The following SLC17A4 variants were observed in gnomAD, a reference collection of about 807,000 sequenced individuals.
SLC17A4 encodes probable small intestine urate exporter.
SLC17A4 carries 33 observed loss-of-function variants against 52.5 expected under a neutral mutation model. The observed-to-expected ratio is 0.63, with a 90% CI of 0.48 to 0.84. SLC17A4 has a LOEUF of 0.84. Among genes scored for constraint, SLC17A4 ranks in the 40% least tolerant of loss-of-function variants. SLC17A4 has a pLI of 0.00. For synonymous variants in SLC17A4, 225 were observed against 216.2 expected, an observed-to-expected ratio of 1.04 and a Z score of -0.36; for missense variants, 585 against 597.1, an observed-to-expected ratio of 0.98 and a Z score of 0.21.
chr6:25,756,535 C>T (rs372225946), intron 1 of SLC17A4, among the ~76,000 whole-genome samples: 7 of 152,236 alleles, frequency 4.6e-5, no homozygotes, highest in Middle Eastern at 3.4e-3. Context: ...GTAACTTTCT[C>T]GCAGGTGTAC....
chr6:25,774,351 A>C (rs1408054686), intron 8 of SLC17A4, among the ~76,000 whole-genome samples: 1 of 152,226 alleles, frequency 6.6e-6, no homozygotes, highest in Non-Finnish European at 1.5e-5. Flanking sequence ...TGTTAGTGAC[A>C]GTTCACAAAG....
At chr6:25,766,148 T>C (rs989098117) in intron 2 of SLC17A4, among the ~76,000 whole-genome samples, 3 of 149,480 alleles carry the variant, frequency 2.0e-5, no homozygotes, top group African/African-American at 7.3e-5. Context: ...ATTATAATTT[T>C]ATAGAAATTA....
chr6:25,761,986 G>C lies in SLC17A4; in HGVS notation c.24G>C (p.Lys8Asn). Residue 8 changes from lysine to asparagine, a missense_variant, in exon 2 of 12, where the codon AAG becomes AAC. Lys to Asn is a moderately conservative substitution (Grantham distance 94). Transcript: ENST00000377905. MSTGPDVKATVGDISSDG... is the reference protein window; with the variant it reads MSTGPDVNATVGDISSDG... ...AAATGTCTACCGGACCAGATGTCAA[G>C]GCTACAGTGGGGGACATTTCCAGTG... The C allele has an allele frequency of 6.2e-7, 1 of 1,613,354 alleles. No individual in the cohort carries two copies. Among genetic ancestry groups the C allele is most frequent in the Non-Finnish European group, 8.5e-7 (1 of 1,179,786 alleles).
Position 25,779,175 on chromosome 6 carries a change from T to G in SLC17A4, c.1481T>G (p.Phe494Cys). 1.9e-6 allele frequency: 3 copies of G among 1,613,710 alleles called. No individual in the cohort carries two copies. The highest frequency in any genetic ancestry group is 2.5e-6 in the Non-Finnish European group (3 of 1,179,714). The change falls in exon 12 of 12, where the codon TTC becomes TGC. Residue 494 changes from phenylalanine to cysteine, a missense_variant. By Grantham distance (205) the Phe-to-Cys change is radical. Transcript: ENST00000377905. ...CAGGACTGGGCTAAAGAGCAGACAT[T>G]CACCCACCTCTGAGCAAACCGAGAG... Reference protein sequence around the residue: ...DVQDWAKEQTFTHL With the variant: ...DVQDWAKEQTCTHL
At chr6:25,776,306 G>A (rs1472768417) in intron 8 of SLC17A4, among the ~76,000 whole-genome samples, 1 of 151,110 alleles carries the variant, frequency 6.6e-6, no homozygotes, top group Non-Finnish European at 1.5e-5. Context: ...TTTTTAAATT[G>A]TCTGTTATTA....
At position 25,770,933 on chromosome 6, in the gene SLC17A4, G is replaced by C. The variant is rs1330059295; in HGVS notation, c.627G>C (p.Met209Ile). 6.2e-7 allele frequency: 1 copy of C among 1,613,774 alleles called. No individual in the cohort carries two copies. Among genetic ancestry groups the C allele is most frequent in the South Asian group, 1.1e-5 (1 of 91,076 alleles). ...QLTTIAGSGS[M>I]LGSFIVLLAG... ...CTCGCCTCTTCTGTTCAGGGTCAAT[G>C]CTGGGGTCCTTCATTGTTCTACTTG... The change falls in exon 6 of 12, where the codon ATG becomes ATC. Residue 209 changes from methionine (M) to isoleucine (I), a missense_variant. Met to Ile is a conservative substitution (Grantham distance 10). Transcript: ENST00000377905.
chr6:25,773,192 T>C, intron 6 of SLC17A4, 83 bp from the exon 7 acceptor site: 1 of 1,074,710 alleles, frequency 9.3e-7, no homozygotes, highest in Non-Finnish European at 1.4e-6. Context: ...CCAGTCACTC[T>C]GTCAACCACA....
rs1487036583 is a variant in SLC17A4 at position 25,770,947 on chromosome 6, T to G, written c.641T>G (p.Ile214Ser). ...TCAGGGTCAATGCTGGGGTCCTTCA[T>G]TGTTCTACTTGCTGGTGGTCTCCTC... ...AGSGSMLGSF[I>S]VLLAGGLLCQ... Residue 214 changes from isoleucine to serine, a missense_variant, in exon 6 of 12, where the codon ATT (isoleucine) becomes AGT (serine). Physicochemically the swap from Ile to Ser is moderately radical, Grantham distance 142. Coordinates refer to ENST00000377905, the MANE Select transcript of SLC17A4 (RefSeq NM_005495.3). The G allele has an allele frequency of 6.2e-7, 1 of 1,613,920 alleles. No individual in the cohort carries two copies. The highest frequency in any genetic ancestry group is 1.1e-5 in the South Asian group (1 of 91,086).
At position 25,755,810 on chromosome 6, in the gene SLC17A4, C is replaced by G. The variant is rs564019907; in HGVS notation, c.-37+1029C>G. 3.9e-5 allele frequency among the ~76,000 whole-genome samples: 6 copies of G among 152,272 alleles called. No homozygotes were observed. The South Asian group carries it at 1.0e-3, about 26-fold the overall frequency. On this transcript the variant is annotated intron_variant, in intron 1 of 11. Transcript: ENST00000377905. ...TGTCCAAAATAAAGTTCTTGCTTTTCCTCTGGAACCTGTTGCCCTCCCTGC... is the reference window on the plus strand; with the variant it reads ...TGTCCAAAATAAAGTTCTTGCTTTTGCTCTGGAACCTGTTGCCCTCCCTGC...
chr6:25,777,056 C>T lies in SLC17A4; in HGVS notation c.1268+97C>T, dbSNP rs948540607. 26 of 1,344,266 alleles carry T rather than the reference C, an allele frequency of 1.9e-5. No homozygotes were observed. In the African/African-American group the frequency reaches 2.0e-4, roughly 11 times the overall value. The allele number at this position is 1,344,266 out of a possible 1,614,324, so 83.3% of individuals were successfully genotyped here. ...TGAAAGTAAAATGTGGCAGGTACAA[C>T]AGGTTGCAGGAAATGTCAGCACCAG... On this transcript the variant is annotated intron_variant, in intron 10 of 11. Coordinates refer to ENST00000377905, the MANE Select transcript of SLC17A4 (RefSeq NM_005495.3).
At chr6:25,777,283 T>C (rs891680986) in intron 10 of SLC17A4, 10 of 258,040 alleles carry the variant, frequency 3.9e-5, no homozygotes, top group East Asian at 2.6e-4. Flanking sequence ...TGAGATTCTA[T>C]AGGGTATGCT....
chr6:25,760,767 T>C (rs901980020), intron 1 of SLC17A4, among the ~76,000 whole-genome samples: 5 of 152,214 alleles, frequency 3.3e-5, no homozygotes, highest in Admixed American at 2.0e-4. Flanking sequence ...CAAATTTTAA[T>C]GCCTAATTTT....
chr6:25,779,182 CCT>C lies in SLC17A4; in HGVS notation c.1491_1492del (p.Ter498SerfsTer12). 2 of 1,613,502 alleles carry C rather than the reference CCT, an allele frequency of 1.2e-6. No individual in the cohort carries two copies. The highest frequency in any genetic ancestry group is 2.2e-5 in the South Asian group (2 of 91,014). ...DWAKEQTFTH[L>X] ...GGGCTAAAGAGCAGACATTCACCCA[CCT>C]CTGAGCAAACCGAGAGATGTGCTAG... On this transcript the variant is annotated frameshift_variant, in exon 12 of 12. Transcript: ENST00000377905. LOFTEE classifies it high-confidence loss of function.
chr6:25,779,526 C>T lies in SLC17A4; in HGVS notation c.*338C>T, dbSNP rs1459588075. 3 of 209,142 alleles carry T rather than the reference C, an allele frequency of 1.4e-5. No homozygotes were observed. Among genetic ancestry groups the T allele is most frequent in the East Asian group, 2.4e-4 (2 of 8,298 alleles). The allele number at this position is 209,142 out of a possible 1,614,324, so 13.0% of individuals were successfully genotyped here. Reference sequence around the variant, plus strand: ...AGAACTGAGAATCACAAGGGAGTTGCGCCCAACATGCAGAACATGAATCCT... The same window carrying T: ...AGAACTGAGAATCACAAGGGAGTTGTGCCCAACATGCAGAACATGAATCCT... On this transcript the variant is annotated 3_prime_UTR_variant, in exon 12 of 12. Coordinates refer to ENST00000377905, the MANE Select transcript of SLC17A4 (RefSeq NM_005495.3).
At chr6:25,757,497 C>T (rs1344925486) in intron 1 of SLC17A4, among the ~76,000 whole-genome samples, 1 of 151,986 alleles carries the variant, frequency 6.6e-6, no homozygotes, top group East Asian at 1.9e-4. Flanking sequence ...AGGTCCAGTC[C>T]AGTGAAAACC....
chr6:25,776,087 A>G (rs1442020165), intron 8 of SLC17A4, among the ~76,000 whole-genome samples: 1 of 152,148 alleles, frequency 6.6e-6, no homozygotes, highest in East Asian at 1.9e-4. Flanking sequence ...AATTGCCCTC[A>G]ATAGAGCACC....
chr6:25,766,239 C>G (rs78225846), intron 2 of SLC17A4, among the ~76,000 whole-genome samples: 12,000 of 151,208 alleles, frequency 0.079, 893 homozygotes, highest in African/African-American at 0.2. Flanking sequence ...CAAAAAACAA[C>G]TAAGAAATGA....
intron 1 of SLC17A4, among the ~76,000 whole-genome samples, chr6:25,760,598 C>T (rs1392363868): frequency 6.6e-6 from 1 of 152,104 alleles, no homozygotes; most frequent in Non-Finnish European, 1.5e-5. Flanking sequence ...CCTAGAAGTC[C>T]TATTCAACAT....
Position 25,770,591 on chromosome 6 carries a change from G to A in SLC17A4, c.619+120G>A, listed in dbSNP as rs1208673911. 4.4e-6 allele frequency: 4 copies of A among 900,418 alleles called. No homozygotes were observed. The African/African-American group carries it at 6.5e-5, about 15-fold the overall frequency. 55.8% of individuals were successfully genotyped at this position (900,418 alleles called of 1,614,324 possible). A position where few individuals can be genotyped will look rare whatever the true frequency, so the allele number is the denominator to read the frequency against. On this transcript the variant is annotated intron_variant, in intron 5 of 11. Transcript: ENST00000377905. Reference sequence around the variant, plus strand: ...GTGTCTTCATAGTCCTTTCCTTAAAGCACTACCCCATACTGCCTTACTTGA... The same window carrying A: ...GTGTCTTCATAGTCCTTTCCTTAAAACACTACCCCATACTGCCTTACTTGA...
Sources: allele counts gnomAD v4.1 joint callset (sites outside exome capture counted in the v4.1 genomes callset), GRCh38; gene constraint gnomAD v4.1.1; transcripts MANE v1.5; gene names NCBI Gene and HGNC (gene_info 2026-07-23, HGNC 2026-07-21).